Variants in COG5 observed in about 807,000 individuals in gnomAD.
COG5 encodes conserved oligomeric Golgi complex subunit 5.
In COG5, 86 loss-of-function variants were observed where a neutral mutation model predicts 110.4. The observed-to-expected ratio is 0.78, with a 90% CI of 0.65 to 0.93. The LOEUF is 0.93. Among genes scored for constraint, COG5 ranks in the 40% least tolerant of loss-of-function variants. The pLI, the probability that COG5 is intolerant of heterozygous loss-of-function variation, is 0.00. For missense variants in COG5, 1,077 were observed against 987.0 expected (o/e 1.09, Z -1.22); for synonymous variants, 360 against 334.6 (o/e 1.08, Z -0.83).
chr7:107,527,309 T>C lies in COG5; in HGVS notation c.466A>G (p.Lys156Glu), dbSNP rs1196818891. 2 of 1,613,324 alleles carry C rather than the reference T, an allele frequency of 1.2e-6. No individual in the cohort carries two copies. The highest frequency in any genetic ancestry group is 1.1e-5 in the South Asian group (1 of 90,974). ...CCTTGCAGTTGTCCTTGGAGTCTCT[T>C]ACTGAGATTCAAGATACGAATAATC... Reference protein sequence around the residue: ...RRIIRILNLSKRLQGQLQGGS... With the variant: ...RRIIRILNLSERLQGQLQGGS... Residue 156 changes from lysine (K) to glutamate (E), a missense_variant, in exon 6 of 22, where the codon AAG (lysine) becomes GAG (glutamate). Lys to Glu is a moderately conservative substitution (Grantham distance 56). Coordinates refer to ENST00000297135, the MANE Select transcript of COG5 (RefSeq NM_006348.5).
chr7:107,342,400 G>T (rs937403978), intron 10 of COG5, among the ~76,000 whole-genome samples: 4 of 150,426 alleles, frequency 2.7e-5, no homozygotes, highest in African/African-American at 9.8e-5. Flanking sequence ...ACCACAGGCT[G>T]GGTGCGGTGG....
rs562315143 is a variant in COG5 at position 107,411,226 on chromosome 7, A to G, written c.669+1276T>C. Among the ~76,000 whole-genome samples, 6 of 152,316 alleles carry G rather than the reference A, an allele frequency of 3.9e-5. 1 individual carries two copies. The highest frequency in any genetic ancestry group is 1.4e-4 in the African/African-American group (6 of 41,570). On this transcript the variant is annotated intron_variant, in intron 7 of 21. Transcript: ENST00000297135. ...TCAAATCCAGCGGCCACTTCTTAGG[A>G]AGGTAACTGCCCTTTCTTGTTTTGA...
At chr7:107,271,048 T>C (rs574609013) in intron 14 of COG5, among the ~76,000 whole-genome samples, 1 of 152,118 alleles carries the variant, frequency 6.6e-6, no homozygotes, top group Admixed American at 6.6e-5. Context: ...TCTTCTTATG[T>C]AGTAGAGCAA....
rs190040988 is a variant in COG5 at position 107,323,905 on chromosome 7, T to C, written c.1108+535A>G. The stretch of plus-strand genomic sequence containing the variant: ...GATATTAGCTGGTTTGCATATTTCA[T>C]TGTATAGATCTACCAGTCCATTATT... On this transcript the variant is annotated intron_variant, in intron 11 of 21. Transcript: ENST00000297135. 1.6e-4 allele frequency among the ~76,000 whole-genome samples: 25 copies of C among 152,334 alleles called. No individual in the cohort carries two copies. In the East Asian group the frequency reaches 4.6e-3, roughly 28 times the overall value.
chr7:107,495,480 A>C (rs1204691768), intron 6 of COG5, among the ~76,000 whole-genome samples: 1 of 152,172 alleles, frequency 6.6e-6, no homozygotes, highest in Non-Finnish European at 1.5e-5. Flanking sequence ...AGAACATAAC[A>C]GAATCTACAA....
chr7:107,345,616 G>A (rs1811533271), intron 10 of COG5, among the ~76,000 whole-genome samples: 1 of 152,086 alleles, frequency 6.6e-6, no homozygotes, highest in Non-Finnish European at 1.5e-5. Flanking sequence ...TTTGTAAGAT[G>A]AAAAAGATCT....
At chr7:107,508,011 G>C (rs919025517) in intron 6 of COG5, among the ~76,000 whole-genome samples, 2 of 152,218 alleles carry the variant, frequency 1.3e-5, no homozygotes, top group Non-Finnish European at 2.9e-5. Context: ...CATCTCACTA[G>C]AGAGTGCCAG....
intron 7 of COG5, among the ~76,000 whole-genome samples, chr7:107,388,431 A>C (rs749589234): frequency 5.3e-5 from 8 of 152,264 alleles, no homozygotes; most frequent in Non-Finnish European, 8.8e-5. Flanking sequence ...AATTTCAACA[A>C]TTTGTCACTC....
intron 6 of COG5, among the ~76,000 whole-genome samples, chr7:107,445,295 A>G (rs1794942250): frequency 6.6e-6 from 1 of 152,248 alleles, no homozygotes; most frequent in Non-Finnish European, 1.5e-5. Context: ...ACTTAAAACC[A>G]TACACATTTC....
intron 12 of COG5, among the ~76,000 whole-genome samples, chr7:107,297,045 G>T (rs370601321): frequency 6.6e-6 from 1 of 152,148 alleles, no homozygotes; most frequent in Non-Finnish European, 1.5e-5. Flanking sequence ...ATGGTATACT[G>T]GTTTCCAATA....
intron 18 of COG5, 81 bp downstream of exon 18, chr7:107,236,369 C>A: frequency 9.6e-7 from 1 of 1,044,514 alleles, no homozygotes; most frequent in East Asian, 2.4e-5. Flanking sequence ...TTTAAAAACA[C>A]CGATGAAAAC....
intron 12 of COG5, among the ~76,000 whole-genome samples, 153 bp from the exon 13 acceptor site, chr7:107,283,885 T>A (rs1312780003): frequency 6.6e-6 from 1 of 152,302 alleles, no homozygotes; most frequent in African/African-American, 2.4e-5. Flanking sequence ...ACAACGTACA[T>A]ATTTACCAAT....
At chr7:107,400,566 G>GT (rs994109262) in intron 7 of COG5, among the ~76,000 whole-genome samples, 6 of 152,072 alleles carry the variant, frequency 3.9e-5, no homozygotes, top group African/African-American at 7.2e-5. Flanking sequence ...TCAAAGAGCA[G>GT]TAACAGAATT....
At position 107,415,469 on chromosome 7, in the gene COG5, A is replaced by G. The variant is rs537375450; in HGVS notation, c.539-2837T>C. Among the ~76,000 whole-genome samples, 100 of 152,266 alleles carry G rather than the reference A, an allele frequency of 6.6e-4. 1 individual carries two copies. The highest frequency in any genetic ancestry group is 3.4e-3 in the Middle Eastern group (1 of 294). On this transcript the variant is annotated intron_variant, in intron 6 of 21. Transcript: ENST00000297135. ...TTTATTACACATGTATAACTTCCAT[A>G]ATAAATAAAACTAAATTCTAAAAAG...
intron 21 of COG5, chr7:107,208,161 C>T (rs1251962341): frequency 2.0e-5 from 20 of 985,242 alleles, no homozygotes; most frequent in Non-Finnish European, 2.3e-5. Context: ...AGCAGGAGTA[C>T]AGTACTTTTT....
chr7:107,311,819 C>CT (rs954177543), intron 11 of COG5, among the ~76,000 whole-genome samples: 25 of 149,604 alleles, frequency 1.7e-4, no homozygotes, highest in Non-Finnish European at 2.8e-4. Flanking sequence ...GTCATTTTTC[C>CT]TTTTTTTTTG....
At chr7:107,499,873 A>G (rs1798527775) in intron 6 of COG5, among the ~76,000 whole-genome samples, 1 of 151,950 alleles carries the variant, frequency 6.6e-6, no homozygotes, top group Non-Finnish European at 1.5e-5. Context: ...TTTTCTGCAA[A>G]CCTTTCTAAA....
chr7:107,201,385 A>G lies in COG5; in HGVS notation c.*2131T>C. On this transcript the variant is annotated 3_prime_UTR_variant, in exon 22 of 22. Coordinates refer to ENST00000297135, the MANE Select transcript of COG5 (RefSeq NM_006348.5). Reference sequence around the variant, plus strand: ...GATTACTATGTATTGATTTGTAAACATTCACTGAGTTTAATTTTATTTCCA... The same window carrying G: ...GATTACTATGTATTGATTTGTAAACGTTCACTGAGTTTAATTTTATTTCCA... 1 of 1,470,346 alleles carries G rather than the reference A, an allele frequency of 6.8e-7. No individual in the cohort carries two copies. The allele number at this position is 1,470,346 out of a possible 1,614,324, so 91.1% of individuals were successfully genotyped here.
chr7:107,546,230 G>T (rs763006190), intron 5 of COG5, among the ~76,000 whole-genome samples: 9 of 151,970 alleles, frequency 5.9e-5, no homozygotes, highest in Admixed American at 3.3e-4. Context: ...GTTCTAAGAC[G>T]AAAGTTTACA....
Sources: gnomAD v4.1 joint callset for allele counts (sites outside exome capture counted in the v4.1 genomes callset) on GRCh38, gnomAD v4.1.1 for gene constraint, MANE v1.5 for transcripts, NCBI Gene and HGNC (gene_info 2026-07-23, HGNC 2026-07-21) for gene names.